TBC1D23: variants seen among roughly 807,000 people sequenced by gnomAD.
The protein encoded by TBC1D23 is TBC1 domain family member 23.
Under a neutral mutation model 91.4 loss-of-function variants are expected in TBC1D23, and 55 were observed. The ratio of observed to expected loss-of-function variants is 0.60; its 90% CI spans 0.48 to 0.75. The LOEUF (loss-of-function observed/expected upper bound fraction) is 0.75. TBC1D23 is among the 30% of genes least tolerant of loss of function. The pLI is 0.00. For missense variants in TBC1D23, 725 were observed against 836.1 expected (o/e 0.87, Z 1.64); for synonymous variants, 289 against 281.0 (o/e 1.03, Z -0.28).
At chr3:100,268,611 A>G (rs1186323839) in intron 1 of TBC1D23, among the ~76,000 whole-genome samples, 1 of 152,202 alleles carries the variant, frequency 6.6e-6, no homozygotes, top group East Asian at 1.9e-4. Context: ...GAAATTTGTA[A>G]TTGACATAGG....
chr3:100,262,970 T>TGG (rs2067525950), intron 1 of TBC1D23, among the ~76,000 whole-genome samples: 1 of 152,090 alleles, frequency 6.6e-6, no homozygotes, highest in Non-Finnish European at 1.5e-5. Context: ...CAGAATCAGA[T>TGG]TAAGAGATGG....
At chr3:100,313,820 G>C (rs1705674936) in intron 15 of TBC1D23, among the ~76,000 whole-genome samples, 1 of 152,036 alleles carries the variant, frequency 6.6e-6, no homozygotes, top group Non-Finnish European at 1.5e-5. Flanking sequence ...TTGTAAGAAA[G>C]CTGAATCTGA....
At chr3:100,273,185 G>C (rs1043321893) in intron 1 of TBC1D23, among the ~76,000 whole-genome samples, 23 of 152,178 alleles carry the variant, frequency 1.5e-4, no homozygotes, top group African/African-American at 4.6e-4. Flanking sequence ...TGTGTCCCTG[G>C]GTACTTGAGA....
At chr3:100,266,004 T>C (rs962120385) in intron 1 of TBC1D23, among the ~76,000 whole-genome samples, 6 of 152,100 alleles carry the variant, frequency 3.9e-5, no homozygotes, top group African/African-American at 1.4e-4. Flanking sequence ...ATATAATCAA[T>C]AAAGAAATAT....
intron 1 of TBC1D23, among the ~76,000 whole-genome samples, chr3:100,263,607 G>GA (rs2148847176): frequency 6.6e-6 from 1 of 152,308 alleles, no homozygotes; most frequent in African/African-American, 2.4e-5. Context: ...AATAGATCTG[G>GA]AAAAATAGTA....
intron 4 of TBC1D23, among the ~76,000 whole-genome samples, chr3:100,289,882 A>G (rs926192531): frequency 2.0e-5 from 3 of 152,146 alleles, no homozygotes; most frequent in African/African-American, 7.2e-5. Context: ...CCTTCTTTCT[A>G]CTTTTGAAGT....
rs556186981 is a variant in TBC1D23, at chr3:100,322,034, T to C, written c.2018+1063T>C. On this transcript the variant is annotated intron_variant, in intron 18 of 18. Coordinates refer to ENST00000394144, the MANE Select transcript of TBC1D23 (RefSeq NM_001199198.3). ...ATATAGGCTTGTTTTTGTGTTCTGA[T>C]TTTTTAAGAAAATAGTATAGTGTGA... Among the ~76,000 whole-genome samples, 374 of 152,160 alleles carry C rather than the reference T, an allele frequency of 2.5e-3. 1 individual carries two copies. Among genetic ancestry groups the C allele is most frequent in the African/African-American group, 8.6e-3 (356 of 41,574 alleles).
At chr3:100,309,985 C>T (rs1428116070) in intron 13 of TBC1D23, among the ~76,000 whole-genome samples, 2 of 152,212 alleles carry the variant, frequency 1.3e-5, no homozygotes, top group African/African-American at 4.8e-5. Flanking sequence ...ATACTACAAA[C>T]TGGGGGCTTA....
intron 7 of TBC1D23, among the ~76,000 whole-genome samples, chr3:100,295,811 G>T (rs1222079227): frequency 1.3e-5 from 2 of 152,044 alleles, no homozygotes; most frequent in African/African-American, 4.8e-5. Flanking sequence ...GTATTATAAT[G>T]ATTTATTTTT....
chr3:100,270,527 GTTATAT>G (rs528461999), intron 1 of TBC1D23, among the ~76,000 whole-genome samples: 144 of 152,100 alleles, frequency 9.5e-4, no homozygotes, highest in Non-Finnish European at 1.8e-3. Context: ...TGGGGAGTAG[GTTATAT>G]TTATATATAG....
chr3:100,316,253 G>C lies in TBC1D23; in HGVS notation c.1687+66G>C. The C allele has an allele frequency of 1.2e-5, 13 of 1,102,216 alleles. No individual in the cohort carries two copies. In the South Asian group the frequency reaches 1.5e-4, roughly 13 times the overall value. The allele number at this position is 1,102,216 out of a possible 1,614,324, so 68.3% of individuals were successfully genotyped here. A position where few individuals can be genotyped will look rare whatever the true frequency, so the allele number is the denominator to read the frequency against. On this transcript the variant is annotated intron_variant, in intron 16 of 18. Transcript: ENST00000394144. ...TAGGAGTGATTACAGCAGTCATTCT[G>C]GGAATAGCCAATCAACTGCTTTTTT...
chr3:100,276,609 T>G (rs956712120), intron 1 of TBC1D23, among the ~76,000 whole-genome samples: 9 of 152,200 alleles, frequency 5.9e-5, no homozygotes, highest in African/African-American at 2.2e-4. Flanking sequence ...AATATTAAAC[T>G]ATTTCCATAT....
rs1320113289 is a variant in TBC1D23 at position 100,261,049 on chromosome 3, C to T, written c.31C>T (p.Pro11Ser). MAEGEDVPPLPTSSGDGWEKD... is the reference protein window; with the variant it reads MAEGEDVPPLSTSSGDGWEKD... ...GGAAGGAGAAGATGTGCCGCCGCTG[C>T]CAACGTCGAGCGGCGACGGCTGGTG... The change falls in exon 1 of 19, where the codon CCA becomes TCA. Residue 11 changes from proline to serine, a missense_variant. Coordinates refer to ENST00000394144, the MANE Select transcript of TBC1D23 (RefSeq NM_001199198.3). 3 of 1,613,844 alleles carry T rather than the reference C, an allele frequency of 1.9e-6. No individual in the cohort carries two copies. The highest frequency in any genetic ancestry group is 2.5e-6 in the Non-Finnish European group (3 of 1,179,816).
At chr3:100,310,587 T>G (rs368839916) in intron 14 of TBC1D23, 45 bp downstream of exon 14, 1 of 1,469,292 alleles carries the variant, frequency 6.8e-7, no homozygotes, top group African/African-American at 1.4e-5. Flanking sequence ...TAATTAAAAC[T>G]AAAGAAACAA....
At chr3:100,283,267 G>T (rs913754633) in intron 3 of TBC1D23, among the ~76,000 whole-genome samples, 22 of 152,026 alleles carry the variant, frequency 1.4e-4, no homozygotes, top group African/African-American at 5.1e-4. Flanking sequence ...CTGGCTACTC[G>T]GGAGGCTAAG....
At chr3:100,282,827 A>AC (rs373058459) in intron 3 of TBC1D23, among the ~76,000 whole-genome samples, 1 of 151,772 alleles carries the variant, frequency 6.6e-6, no homozygotes, top group Non-Finnish European at 1.5e-5. Flanking sequence ...TGTTTAGAAA[A>AC]CCCTTTTGCT....
chr3:100,323,326 G>A (rs922161294), intron 18 of TBC1D23, among the ~76,000 whole-genome samples: 2 of 152,050 alleles, frequency 1.3e-5, no homozygotes, highest in Middle Eastern at 3.2e-3. Flanking sequence ...TTTAATAATG[G>A]TTCAAAGAAT....
chr3:100,275,891 A>G (rs1313523881), intron 1 of TBC1D23, among the ~76,000 whole-genome samples: 1 of 152,208 alleles, frequency 6.6e-6, no homozygotes, highest in Non-Finnish European at 1.5e-5. Flanking sequence ...GTTATGCTAA[A>G]TGAAACCAGG....
At chr3:100,293,984 T>G (rs944444015) in intron 5 of TBC1D23, among the ~76,000 whole-genome samples, 5 of 152,236 alleles carry the variant, frequency 3.3e-5, no homozygotes, top group Non-Finnish European at 5.9e-5. Context: ...TAAGAGATAT[T>G]TTTAATGGTA....
Sources: gnomAD v4.1 joint callset for allele counts (sites outside exome capture counted in the v4.1 genomes callset) on GRCh38, gnomAD v4.1.1 for gene constraint, MANE v1.5 for transcripts, NCBI Gene and HGNC (gene_info 2026-07-23, HGNC 2026-07-21) for gene names.